Variants in ELOVL7 observed in about 807,000 individuals in gnomAD.
The protein encoded by ELOVL7 is ELOVL fatty acid elongase 7.
In ELOVL7, 27 loss-of-function variants were observed where a neutral mutation model predicts 35.7. The ratio of observed to expected loss-of-function variants is 0.76; its 90% CI spans 0.56 to 1.04. ELOVL7 has a LOEUF of 1.04. ELOVL7 is among the 50% of genes least tolerant of loss of function. The pLI is 0.00. For missense variants in ELOVL7, 327 were observed against 340.8 expected (o/e 0.96, Z 0.32); for synonymous variants, 113 against 114.6 (o/e 0.99, Z 0.09).
At chr5:60,825,119 C>T (rs969965058) in intron 1 of ELOVL7, among the ~76,000 whole-genome samples, 1 of 152,104 alleles carries the variant, frequency 6.6e-6, no homozygotes, top group African/African-American at 2.4e-5. Flanking sequence ...AGGCTGGTCT[C>T]AAACTCCTGA....
chr5:60,813,127 A>G (rs1285708081), intron 1 of ELOVL7, among the ~76,000 whole-genome samples: 1 of 152,200 alleles, frequency 6.6e-6, no homozygotes, highest in Non-Finnish European at 1.5e-5. Context: ...CCCAGCTTCT[A>G]TCTTCAACCA....
intron 8 of ELOVL7, among the ~76,000 whole-genome samples, chr5:60,755,894 G>C (rs1438957241): frequency 2.0e-5 from 3 of 152,116 alleles, no homozygotes; most frequent in Admixed American, 2.0e-4. Context: ...TAAAGAAATA[G>C]ACAACAATTA....
At chr5:60,792,660 C>A (rs1175047618) in intron 2 of ELOVL7, among the ~76,000 whole-genome samples, 3 of 152,014 alleles carry the variant, frequency 2.0e-5, no homozygotes, top group Admixed American at 2.0e-4. Context: ...TGAGCCTGGG[C>A]AACACAGCAA....
In ELOVL7 at chr5:60,767,904, C is replaced by A. The variant is rs1319714839; in HGVS notation, c.256-1G>T. The A allele has an allele frequency of 1.9e-6, 3 of 1,612,746 alleles. No homozygotes were observed. The highest frequency in any genetic ancestry group is 2.5e-6 in the Non-Finnish European group (3 of 1,178,978). ...CTATACCCCAGCCAGACATCACAAA[C>A]TGCAAGAGAGCACATGCATATTAAG... On this transcript the variant is annotated splice_acceptor_variant, in intron 4 of 8. Transcript: ENST00000508821. LOFTEE classifies it high-confidence loss of function.
At chr5:60,788,304 T>A (rs995647706) in intron 2 of ELOVL7, among the ~76,000 whole-genome samples, 1 of 152,180 alleles carries the variant, frequency 6.6e-6, no homozygotes, top group Non-Finnish European at 1.5e-5. Context: ...TATATTTGAT[T>A]CAAAGCCATG....
chr5:60,812,320 G>C (rs1745281225), intron 1 of ELOVL7, among the ~76,000 whole-genome samples: 2 of 152,104 alleles, frequency 1.3e-5, no homozygotes, highest in South Asian at 4.1e-4. Flanking sequence ...AGAGTTTCTT[G>C]CTGTTAAGTT....
intron 3 of ELOVL7, among the ~76,000 whole-genome samples, chr5:60,787,012 G>C (rs1305676237): frequency 6.6e-6 from 1 of 151,968 alleles, no homozygotes; most frequent in Admixed American, 6.6e-5. Flanking sequence ...GAGCATTAGG[G>C]AAGAATCAGG....
chr5:60,759,523 CT>C (rs1741750971), intron 7 of ELOVL7, among the ~76,000 whole-genome samples: 1 of 151,936 alleles, frequency 6.6e-6, no homozygotes, highest in Non-Finnish European at 1.5e-5. Flanking sequence ...CATAGGACAT[CT>C]ATTTCACCTT....
chr5:60,785,992 G>A (rs1056671460), intron 3 of ELOVL7: 4 of 152,230 alleles, frequency 2.6e-5, no homozygotes, highest in Non-Finnish European at 5.9e-5. Flanking sequence ...GCCAAGAGGT[G>A]TGCATTTCCT....
chr5:60,821,165 G>A (rs1745860691), intron 1 of ELOVL7, among the ~76,000 whole-genome samples: 1 of 152,138 alleles, frequency 6.6e-6, no homozygotes, highest in South Asian at 2.1e-4. Context: ...AAGGATTAAA[G>A]CAGTCACACC....
intron 1 of ELOVL7, among the ~76,000 whole-genome samples, chr5:60,843,222 A>C (rs1244158107): frequency 6.6e-6 from 1 of 152,006 alleles, no homozygotes; most frequent in Non-Finnish European, 1.5e-5. Flanking sequence ...GACTAACTAC[A>C]CTGGGAGCAG....
At chr5:60,835,967 T>C (rs746416038) in intron 1 of ELOVL7, among the ~76,000 whole-genome samples, 42 of 152,006 alleles carry the variant, frequency 2.8e-4, no homozygotes, top group Non-Finnish European at 4.7e-4. Flanking sequence ...TAGAAGCCAC[T>C]GTTCATCATG....
chr5:60,757,481 A>C (rs755504708), intron 8 of ELOVL7, 28 bp downstream of exon 8: 1 of 1,607,784 alleles, frequency 6.2e-7, no homozygotes, highest in Non-Finnish European at 8.5e-7. Context: ...TGCTTCATAT[A>C]TGGTTTTAAA....
intron 7 of ELOVL7, among the ~76,000 whole-genome samples, chr5:60,761,395 C>G (rs955069439): frequency 5.3e-5 from 8 of 152,112 alleles, no homozygotes; most frequent in African/African-American, 1.9e-4. Flanking sequence ...TAGAGATCAG[C>G]TGTGCTCAAG....
intron 5 of ELOVL7, 70 bp from the exon 6 acceptor site, chr5:60,766,700 TA>T: frequency 7.3e-7 from 1 of 1,365,044 alleles, no homozygotes. Context: ...TAAATTTTGG[TA>T]AAATATGCAT....
Position 60,830,947 on chromosome 5 carries a change from C to T in ELOVL7, c.-86+13213G>A, listed in dbSNP as rs563372122. ...GATGGTTCAGGATGGATTTTGTTGA[C>T]ACAGCTGACATGATTGCTGCTAATT... On this transcript the variant is annotated intron_variant, in intron 1 of 8. Coordinates refer to ENST00000508821, the MANE Select transcript of ELOVL7 (RefSeq NM_024930.3). Among the ~76,000 whole-genome samples the T allele has an allele frequency of 5.3e-5, 8 of 152,180 alleles. No individual in the cohort carries two copies. In the South Asian group the frequency reaches 1.7e-3, roughly 32 times the overall value.
chr5:60,810,224 C>T (rs558765434), intron 1 of ELOVL7, among the ~76,000 whole-genome samples: 1 of 152,150 alleles, frequency 6.6e-6, no homozygotes, highest in Non-Finnish European at 1.5e-5. Flanking sequence ...GGCAGAAGAA[C>T]TAAAAAAGCA....
chr5:60,826,420 T>C (rs982541777), intron 1 of ELOVL7, among the ~76,000 whole-genome samples: 2 of 152,162 alleles, frequency 1.3e-5, no homozygotes, highest in Admixed American at 6.5e-5. Context: ...AATCATCTTA[T>C]AACTGAACTT....
intron 3 of ELOVL7, among the ~76,000 whole-genome samples, chr5:60,773,831 G>A (rs998621099): frequency 6.6e-6 from 1 of 152,242 alleles, no homozygotes; most frequent in Non-Finnish European, 1.5e-5. Flanking sequence ...CTGGAATGCT[G>A]GGTTAAACAA....
Sources: allele counts gnomAD v4.1 joint callset (sites outside exome capture counted in the v4.1 genomes callset), GRCh38; gene constraint gnomAD v4.1.1; transcripts MANE v1.5; gene names NCBI Gene and HGNC (gene_info 2026-07-23, HGNC 2026-07-21).